DTL: variants seen among roughly 807,000 people sequenced by gnomAD.
DTL encodes denticleless E3 ubiquitin protein ligase adapter.
DTL carries 46 observed loss-of-function variants against 87.0 expected under a neutral mutation model. The ratio of observed to expected loss-of-function variants is 0.53; its 90% CI spans 0.42 to 0.68. DTL has a LOEUF of 0.68. Ranked by LOEUF, DTL falls within the 30% of genes least tolerant of loss-of-function variation. The pLI is 0.00. For synonymous variants in DTL, 308 were observed against 311.2 expected (o/e 0.99, Z 0.11); for missense variants, 737 against 869.4 (o/e 0.85, Z 1.91).
intron 2 of DTL, 100 bp from the exon 3 acceptor site, chr1:212,044,560 A>T: frequency 3.0e-6 from 2 of 672,802 alleles, no homozygotes. Flanking sequence ...GCCAAACTGC[A>T]CTATTGCACT....
rs566858701 is a variant in DTL, at chr1:212,043,092, C to T, written c.152C>T (p.Pro51Leu). The T allele has an allele frequency of 5.8e-5, 93 of 1,613,142 alleles. No individual in the cohort carries two copies. The highest frequency in any genetic ancestry group is 1.0e-4 in the Admixed American group (6 of 59,900). Residue 51 changes from proline (P) to leucine (L), a missense_variant, in exon 2 of 15, where the codon CCT becomes CTT. Pro to Leu is a moderately conservative substitution (Grantham distance 98, BLOSUM62 -3). Coordinates refer to ENST00000366991, the MANE Select transcript of DTL (RefSeq NM_016448.4). Reference protein sequence around the residue: ...TSYGETGVPVPPFGCTFSSAP... With the variant: ...TSYGETGVPVLPFGCTFSSAP... ...TATGGAGAAACAGGAGTCCCAGTTC[C>T]TCCTTTTGGATGTACCTTCTCTTCT...
At chr1:212,044,785 T>C in intron 3 of DTL, 27 bp downstream of exon 3, 2 of 1,445,618 alleles carry the variant, frequency 1.4e-6, no homozygotes, top group Non-Finnish European at 1.9e-6. Context: ...AATTTTTGTT[T>C]TAACATTTAA....
At chr1:212,095,733 C>G (rs1378042842) in intron 13 of DTL, among the ~76,000 whole-genome samples, 1 of 152,182 alleles carries the variant, frequency 6.6e-6, no homozygotes, top group Non-Finnish European at 1.5e-5. Context: ...TCCATTTGAT[C>G]ATGGTAGATT....
intron 13 of DTL, among the ~76,000 whole-genome samples, chr1:212,087,653 C>G (rs951666022): frequency 2.6e-4 from 39 of 152,108 alleles, no homozygotes; most frequent in African/African-American, 8.9e-4. Context: ...TAGGGTTACT[C>G]TGAAGAGCAC....
intron 11 of DTL, chr1:212,077,536 A>T (rs1009091370): frequency 1.6e-4 from 25 of 152,872 alleles, no homozygotes; most frequent in African/African-American, 5.5e-4. Flanking sequence ...TGTAAAATAT[A>T]GTTTATACCC....
chr1:212,057,314 C>G (rs1225424516), intron 5 of DTL, among the ~76,000 whole-genome samples: 1 of 150,812 alleles, frequency 6.6e-6, no homozygotes, highest in African/African-American at 2.4e-5. Context: ...CAGCAGAAAT[C>G]TTATAGTTCA....
rs1310239512 is a variant in DTL at position 212,100,895 on chromosome 1, G to A, written c.1905G>A (p.Thr635=). The part of the protein sequence containing the change: ...ISPYASESCG[T]LPLPLRPCGE... Reference sequence around the variant, plus strand: ...CGTATGCTTCAGAAAGCTGTGGAACGCTACCTCTTCCTTTGAGACCTTGTG... The same window carrying A: ...CGTATGCTTCAGAAAGCTGTGGAACACTACCTCTTCCTTTGAGACCTTGTG... The change falls in exon 14 of 15, where the codon ACG becomes ACA. Residue 635 remains threonine (T), a synonymous_variant. Transcript: ENST00000366991. 1.1e-5 allele frequency: 17 copies of A among 1,614,038 alleles called. No individual in the cohort carries two copies. The East Asian group carries it at 1.6e-4, about 15-fold the overall frequency.
chr1:212,068,879 A>G (rs1654589291), intron 10 of DTL, among the ~76,000 whole-genome samples, 176 bp downstream of exon 10: 1 of 152,224 alleles, frequency 6.6e-6, no homozygotes, highest in Non-Finnish European at 1.5e-5. Flanking sequence ...TGATGATTTC[A>G]TAAGTTAGCT....
At chr1:212,075,206 T>C (rs1654793879) in intron 11 of DTL, among the ~76,000 whole-genome samples, 2 of 152,244 alleles carry the variant, frequency 1.3e-5, no homozygotes, top group Admixed American at 6.5e-5. Context: ...ATATTCTTTG[T>C]ATGTTTCAGT....
rs756823608 is a variant in DTL at position 212,065,347 on chromosome 1, G to GA, written c.639+318_639+319insA. ...TGTCTCATGCCATTAAGCAGAAAGT[G>GA]GTTTTTTTTTTTACAATTTCAATAT... On this transcript the variant is annotated intron_variant, in intron 7 of 14. Transcript: ENST00000366991. 4.8e-3 allele frequency among the ~76,000 whole-genome samples: 714 copies of GA among 148,610 alleles called. 5 individuals carry two copies. The highest frequency in any genetic ancestry group is 0.014 in the African/African-American group (566 of 40,618).
intron 1 of DTL, among the ~76,000 whole-genome samples, chr1:212,039,117 T>G (rs921781114): frequency 1.3e-5 from 2 of 152,198 alleles, no homozygotes; most frequent in Non-Finnish European, 2.9e-5. Flanking sequence ...TCAAAAAATG[T>G]GTTTAAATTG....
At chr1:212,038,874 A>T (rs1225441179) in intron 1 of DTL, among the ~76,000 whole-genome samples, 3 of 152,348 alleles carry the variant, frequency 2.0e-5, no homozygotes, top group East Asian at 3.9e-4. Flanking sequence ...AAAATGCTAT[A>T]TCACTCCTTT....
intron 13 of DTL, among the ~76,000 whole-genome samples, chr1:212,086,848 C>A (rs1655144225): frequency 6.6e-6 from 1 of 152,170 alleles, no homozygotes; most frequent in Admixed American, 6.5e-5. Flanking sequence ...GGTCCCCCTT[C>A]CCATTAAAAT....
rs371944382 is a variant in DTL, at chr1:212,068,341, A to G, written c.817+14A>G. 4 of 1,526,464 alleles carry G rather than the reference A, an allele frequency of 2.6e-6. No homozygotes were observed. Among genetic ancestry groups the G allele is most frequent in the Non-Finnish European group, 3.6e-6 (4 of 1,120,240 alleles). The allele number at this position is 1,526,464 out of a possible 1,614,324, so 94.6% of individuals were successfully genotyped here. On this transcript the variant is annotated intron_variant, in intron 9 of 14. Coordinates refer to ENST00000366991, the MANE Select transcript of DTL (RefSeq NM_016448.4). ...CTCGAAAACTTGGTAAGCCTTTAATAGGTCTTTTGGGGGAGATAAGAGTTT... is the reference window on the plus strand; with the variant it reads ...CTCGAAAACTTGGTAAGCCTTTAATGGGTCTTTTGGGGGAGATAAGAGTTT...
Position 212,101,049 on chromosome 1 carries a change from T to A in DTL, c.2059T>A (p.Ser687Thr). 1 of 1,612,458 alleles carries A rather than the reference T, an allele frequency of 6.2e-7. No homozygotes were observed. The highest frequency in any genetic ancestry group is 8.5e-7 in the Non-Finnish European group (1 of 1,179,310). The change falls in exon 14 of 15, where the codon TCC becomes ACC. Residue 687 changes from serine to threonine, a missense_variant. Ser to Thr is a moderately conservative substitution (Grantham distance 58). Coordinates refer to ENST00000366991, the MANE Select transcript of DTL (RefSeq NM_016448.4). ...PRSPSSQTPN[S>T]RRQSGKKLPS... The stretch of plus-strand genomic sequence containing the variant: ...AAGTCCGTCATCCCAGACACCCAAT[T>A]CCAGGAGACAGAGCGGAAAGAAATT...
At chr1:212,057,725 G>A (rs1475370835) in intron 5 of DTL, among the ~76,000 whole-genome samples, 2 of 152,078 alleles carry the variant, frequency 1.3e-5, no homozygotes, top group Non-Finnish European at 2.9e-5. Flanking sequence ...TTAGGAATAA[G>A]CCTTCACATA....
At chr1:212,101,175 T>TTA in intron 14 of DTL, 91 bp downstream of exon 14, 1 of 976,118 alleles carries the variant, frequency 1.0e-6, no homozygotes. Flanking sequence ...TTTTTTTTTT[T>TTA]AAAGAAAGAA....
chr1:212,063,300 T>A (rs867482561), intron 6 of DTL, among the ~76,000 whole-genome samples: 1,630 of 150,192 alleles, frequency 0.011, 31 homozygotes, highest in African/African-American at 0.037. Context: ...ATTATTATTT[T>A]TTTTTTTTTT....
chr1:212,069,901 A>G lies in DTL; in HGVS notation c.922+1198A>G, dbSNP rs149325864. 5.4e-3 allele frequency among the ~76,000 whole-genome samples: 822 copies of G among 152,196 alleles called. 4 individuals are homozygous for G. The highest frequency in any genetic ancestry group is 0.019 in the African/African-American group (779 of 41,526). ...AATTTTCCAAAGATCACCCCAAGCA[A>G]TCTTATTAGGACTTTAGTATCGGTG... On this transcript the variant is annotated intron_variant, in intron 10 of 14. Coordinates refer to ENST00000366991, the MANE Select transcript of DTL (RefSeq NM_016448.4).
Sources: gnomAD v4.1 joint callset for allele counts (sites outside exome capture counted in the v4.1 genomes callset) on GRCh38, gnomAD v4.1.1 for gene constraint, MANE v1.5 for transcripts, NCBI Gene and HGNC (gene_info 2026-07-23, HGNC 2026-07-21) for gene names.